Variants in TMEM54 observed in about 807,000 individuals in gnomAD.
The protein encoded by TMEM54 is transmembrane protein 54, also known as beta-casein-like protein.
TMEM54 carries 21 observed loss-of-function variants against 21.3 expected under a neutral mutation model. The observed-to-expected ratio is 0.99, with a 90% CI of 0.70 to 1.42. TMEM54 has a LOEUF of 1.42. Ranked by LOEUF, TMEM54 falls within the 40% of genes most tolerant of loss-of-function variation. The pLI is 0.00. For missense variants in TMEM54, 246 were observed against 294.0 expected (o/e 0.84, Z 1.19); for synonymous variants, 109 against 125.0 (o/e 0.87, Z 0.86).
intron 1 of TMEM54, among the ~76,000 whole-genome samples, chr1:32,899,218 C>G (rs546566531): frequency 6.6e-6 from 1 of 152,240 alleles, no homozygotes; most frequent in East Asian, 1.9e-4. Context: ...CCTGCCAGCC[C>G]CTCACTAGAG....
Position 32,895,967 on chromosome 1 carries a change from G to C in TMEM54, c.213C>G (p.Val71=). ...NILSVTSAIV[V]ITSGIAAIVL... is the part of the protein sequence containing the mutation. Reference sequence around the variant, plus strand: ...CGATGGCTGCGATGCCTGAAGTGATGACCTGTAGGGAAGGCTCAAGTCAGC... The same window carrying C: ...CGATGGCTGCGATGCCTGAAGTGATCACCTGTAGGGAAGGCTCAAGTCAGC... The change falls in exon 3 of 6, where the codon GTC becomes GTG. Residue 71 remains valine, a splice_region_variant and synonymous_variant. Transcript: ENST00000373463. The surrounding 1 kb of genome is among the most constrained non-coding windows in gnomAD (Gnocchi z 5.8). 1.2e-6 allele frequency: 2 copies of C among 1,612,950 alleles called. No homozygotes were observed. Among genetic ancestry groups the C allele is most frequent in the South Asian group, 2.2e-5 (2 of 90,834 alleles).
chr1:32,895,783 G>T lies in TMEM54; in HGVS notation c.271-40C>A, dbSNP rs1291688903. Reference sequence around the variant, plus strand: ...CCACTGGTCAATGGGCGTCGTGCTTGGCCCCCATGGGCAGCTCTGGCCTCC... The same window carrying T: ...CCACTGGTCAATGGGCGTCGTGCTTTGCCCCCATGGGCAGCTCTGGCCTCC... On this transcript the variant is annotated intron_variant, in intron 3 of 5. Coordinates refer to ENST00000373463, the MANE Select transcript of TMEM54 (RefSeq NM_033504.4). This position sits in a 1 kb window ranked among gnomAD's most constrained non-coding sequence, Gnocchi z 5.8. 8 of 1,546,774 alleles carry T rather than the reference G, an allele frequency of 5.2e-6. No individual in the cohort carries two copies. The highest frequency in any genetic ancestry group is 1.4e-5 in the African/African-American group (1 of 73,344).
In TMEM54 at chr1:32,894,609, T is replaced by C. The variant is rs1641537508; in HGVS notation, c.*196A>G. 2 of 692,542 alleles carry C rather than the reference T, an allele frequency of 2.9e-6. No homozygotes were observed. The highest frequency in any genetic ancestry group is 3.6e-5 in the African/African-American group (2 of 56,022). The allele number at this position is 692,542 out of a possible 1,614,324, so 42.9% of individuals were successfully genotyped here. A position where few individuals can be genotyped will look rare whatever the true frequency, so the allele number is the denominator to read the frequency against. On this transcript the variant is annotated 3_prime_UTR_variant, in exon 6 of 6. Coordinates refer to ENST00000373463, the MANE Select transcript of TMEM54 (RefSeq NM_033504.4). ...GCAGCCAAATGGAGCATCTCTGTTC[T>C]TTTTAATAATTTCAGAATAAAGTCT...
intron 1 of TMEM54, among the ~76,000 whole-genome samples, chr1:32,900,381 T>A (rs1376660801): frequency 6.6e-6 from 1 of 151,528 alleles, no homozygotes; most frequent in Admixed American, 6.6e-5. Context: ...CCGGGCTAAA[T>A]TTTTTTTTCT....
chr1:32,895,881 A>C lies in TMEM54; in HGVS notation c.270+29T>G. The C allele has an allele frequency of 6.2e-7, 1 of 1,605,568 alleles. No individual in the cohort carries two copies. Among genetic ancestry groups the C allele is most frequent in the Non-Finnish European group, 8.5e-7 (1 of 1,176,064 alleles). ...TGGCTGCTGCCCCTACCCTTCCCTC[A>C]CAGCCCCATCCCAGGAGGCACCACG... On this transcript the variant is annotated intron_variant, in intron 3 of 5. Transcript: ENST00000373463. The surrounding 1 kb of genome is among the most constrained non-coding windows in gnomAD (Gnocchi z 5.8).
Position 32,896,479 on chromosome 1 carries a change from A to G in TMEM54, c.211-510T>C, listed in dbSNP as rs1341164069. Among the ~76,000 whole-genome samples the G allele has an allele frequency of 6.6e-6, 1 of 152,190 alleles. No individual in the cohort carries two copies. The stretch of plus-strand genomic sequence containing the variant: ...TTGGCTTCTCAGCCCTACCTGGGCT[A>G]CCTTCCTCCCTCACTGCTCTGGATG... On this transcript the variant is annotated intron_variant, in intron 2 of 5. Transcript: ENST00000373463. The surrounding 1 kb of genome is among the most constrained non-coding windows in gnomAD (Gnocchi z 4.1).
At position 32,901,093 on chromosome 1, in the gene TMEM54, G is replaced by A. The variant is rs1641716494; in HGVS notation, c.16+130C>T. ...CCAGAGAGGAAAGTGACCCGACCCC[G>A]GCCTCGTAGTAAGTTAGAGGCAGAG... On this transcript the variant is annotated intron_variant, in intron 1 of 5. Coordinates refer to ENST00000373463, the MANE Select transcript of TMEM54 (RefSeq NM_033504.4). This position sits in a 1 kb window ranked among gnomAD's most constrained non-coding sequence, Gnocchi z 4.2. 4 of 1,002,922 alleles carry A rather than the reference G, an allele frequency of 4.0e-6. No individual in the cohort carries two copies. The highest frequency in any genetic ancestry group is 3.3e-5 in the East Asian group (1 of 30,554). The allele number at this position is 1,002,922 out of a possible 1,614,324, so 62.1% of individuals were successfully genotyped here.
In TMEM54 at chr1:32,896,709, C is replaced by T. The variant is rs999341633; in HGVS notation, c.211-740G>A. Among the ~76,000 whole-genome samples, 3 of 152,276 alleles carry T rather than the reference C, an allele frequency of 2.0e-5. No individual in the cohort carries two copies. The highest frequency in any genetic ancestry group is 7.2e-5 in the African/African-American group (3 of 41,478). ...TGGGGTCCACCCAGCCAGCCTTCCT[C>T]CTGATGTTCCTCACTGGACCAGGCT... On this transcript the variant is annotated intron_variant, in intron 2 of 5. Transcript: ENST00000373463. This position sits in a 1 kb window ranked among gnomAD's most constrained non-coding sequence, Gnocchi z 4.1.
intron 1 of TMEM54, among the ~76,000 whole-genome samples, chr1:32,898,983 C>A (rs1641663227): frequency 6.6e-6 from 1 of 152,094 alleles, no homozygotes; most frequent in East Asian, 1.9e-4. Context: ...GTGTGGTGTA[C>A]CCTGAGGGTA....
At position 32,898,286 on chromosome 1, in the gene TMEM54, A is replaced by G; in HGVS notation, c.50T>C (p.Leu17Pro). The change falls in exon 2 of 6, where the codon CTG becomes CCG. Residue 17 changes from leucine (L) to proline (P), a missense_variant. Physicochemically the swap from Leu to Pro is moderately conservative, Grantham distance 98. Coordinates refer to ENST00000373463, the MANE Select transcript of TMEM54 (RefSeq NM_033504.4). ...CACCAGCACCAGGCCTGTCTTCATC[A>G]GCACCTTCCGGAAGTCGCCCACACT... ...GLSVGDFRKV[L>P]MKTGLVLVVL... 1.2e-6 allele frequency: 2 copies of G among 1,608,794 alleles called. No individual in the cohort carries two copies. The highest frequency in any genetic ancestry group is 2.2e-5 in the East Asian group (1 of 44,662).
chr1:32,897,318 A>G lies in TMEM54; in HGVS notation c.210+808T>C, dbSNP rs2124047557. On this transcript the variant is annotated intron_variant, in intron 2 of 5. Coordinates refer to ENST00000373463, the MANE Select transcript of TMEM54 (RefSeq NM_033504.4). The surrounding 1 kb of genome is among the most constrained non-coding windows in gnomAD (Gnocchi z 4.9). ...GAGAGAAATAAGTCCCTCAGCCAGG[A>G]GAAGGCAGGGATGGAACTCAGACAC... Among the ~76,000 whole-genome samples, 1 of 152,296 alleles carries G rather than the reference A, an allele frequency of 6.6e-6. No homozygotes were observed. The highest frequency in any genetic ancestry group is 2.1e-4 in the South Asian group (1 of 4,824).
chr1:32,895,433 T>A lies in TMEM54; in HGVS notation c.466A>T (p.Ser156Cys). 1 of 1,611,216 alleles carries A rather than the reference T, an allele frequency of 6.2e-7. No individual in the cohort carries two copies. Among genetic ancestry groups the A allele is most frequent in the Non-Finnish European group, 8.5e-7 (1 of 1,177,886 alleles). Residue 156 changes from serine (S) to cysteine (C), a missense_variant, in exon 5 of 6, where the codon AGC becomes TGC. Physicochemically the swap from Ser to Cys is moderately radical, Grantham distance 112. Transcript: ENST00000373463. This position sits in a 1 kb window ranked among gnomAD's most constrained non-coding sequence, Gnocchi z 5.8. ...AGGGCGATGCCCCAGAGGCACAGGCTGGAGCTCTGCGGGGCATGGGGCAGA... is the reference window on the plus strand; with the variant it reads ...AGGGCGATGCCCCAGAGGCACAGGCAGGAGCTCTGCGGGGCATGGGGCAGA... Reference protein sequence around the residue: ...PFDPTRIYSSSLCLWGIALVL... With the variant: ...PFDPTRIYSSCLCLWGIALVL...
At chr1:32,898,502 C>T in intron 1 of TMEM54, 183 bp from the exon 2 acceptor site, 1 of 539,890 alleles carries the variant, frequency 1.9e-6, no homozygotes, top group African/African-American at 1.9e-5. Context: ...TTCGGGATGC[C>T]TTTGTGAGAA....
In TMEM54 at chr1:32,898,249, A is replaced by G. The variant is rs1056909010; in HGVS notation, c.87T>C (p.His29=). The G allele has an allele frequency of 1.7e-5, 28 of 1,613,532 alleles. No individual in the cohort carries two copies. Among genetic ancestry groups the G allele is most frequent in the Non-Finnish European group, 2.3e-5 (27 of 1,179,602 alleles). Residue 29 remains histidine, a synonymous_variant, in exon 2 of 6, where the codon CAT becomes CAC. Coordinates refer to ENST00000373463, the MANE Select transcript of TMEM54 (RefSeq NM_033504.4). ...KTGLVLVVLG[H]VSFITAALFH... Reference sequence around the variant, plus strand: ...ACAGGGCAGCTGTGATGAAGCTCACATGGCCCAGCACCACCAGCACCAGGC... The same window carrying G: ...ACAGGGCAGCTGTGATGAAGCTCACGTGGCCCAGCACCACCAGCACCAGGC...
Position 32,897,717 on chromosome 1 carries a change from C to T in TMEM54, c.210+409G>A, listed in dbSNP as rs1273863357. On this transcript the variant is annotated intron_variant, in intron 2 of 5. Transcript: ENST00000373463. This position sits in a 1 kb window ranked among gnomAD's most constrained non-coding sequence, Gnocchi z 4.9. ...TGTCTGTGAACTCCTGCTCATCCAT[C>T]AATACCCAGGTCAGAGGCCTGCACT... 6.3e-6 allele frequency: 1 copy of T among 158,428 alleles called. No homozygotes were observed. The highest frequency in any genetic ancestry group is 1.8e-4 in the East Asian group (1 of 5,460). 9.8% of individuals were successfully genotyped at this position (158,428 alleles called of 1,614,324 possible).
In TMEM54 at chr1:32,895,942, C is replaced by G. The variant is rs201108242; in HGVS notation, c.238G>C (p.Val80Leu). The change falls in exon 3 of 6, where the codon GTG (valine) becomes CTG (leucine). Residue 80 changes from valine to leucine, a missense_variant. Coordinates refer to ENST00000373463, the MANE Select transcript of TMEM54 (RefSeq NM_033504.4). This position sits in a 1 kb window ranked among gnomAD's most constrained non-coding sequence, Gnocchi z 5.8. Reference protein sequence around the residue: ...VVITSGIAAIVLSRYLPSTPL... With the variant: ...VVITSGIAAILLSRYLPSTPL... ...GTGCTAGGGAGGTAGCGTGACAACA[C>G]GATGGCTGCGATGCCTGAAGTGATG... is the stretch of plus-strand genomic sequence containing the variant. The G allele has an allele frequency of 6.2e-7, 1 of 1,613,262 alleles. No individual in the cohort carries two copies. The highest frequency in any genetic ancestry group is 8.5e-7 in the Non-Finnish European group (1 of 1,179,704).
Position 32,901,260 on chromosome 1 carries a change from C to A in TMEM54, c.-22G>T. ...ACATGTCGGCTCCGCGCTGGTCCCGCCCCCGGCTTCAGCGCGGCTCCCGAG... is the reference window on the plus strand; with the variant it reads ...ACATGTCGGCTCCGCGCTGGTCCCGACCCCGGCTTCAGCGCGGCTCCCGAG... On this transcript the variant is annotated 5_prime_UTR_variant, in exon 1 of 6. Transcript: ENST00000373463. The surrounding 1 kb of genome is among the most constrained non-coding windows in gnomAD (Gnocchi z 4.2). 7.1e-7 allele frequency: 1 copy of A among 1,406,584 alleles called. No individual in the cohort carries two copies. The highest frequency in any genetic ancestry group is 9.4e-7 in the Non-Finnish European group (1 of 1,067,442). 87.1% of individuals were successfully genotyped at this position (1,406,584 alleles called of 1,614,324 possible). A position where few individuals can be genotyped will look rare whatever the true frequency, so the allele number is the denominator to read the frequency against.
Position 32,895,572 on chromosome 1 carries a change from C to T in TMEM54, c.442G>A (p.Asp148Asn), listed in dbSNP as rs148310921. 339 of 1,591,438 alleles carry T rather than the reference C, an allele frequency of 2.1e-4. 1 individual carries two copies. In the East Asian group the frequency reaches 4.8e-3, roughly 23 times the overall value. The change falls in exon 4 of 6, where the codon GAC becomes AAC. Residue 148 changes from aspartate to asparagine, a missense_variant. Asp to Asn is a conservative substitution (Grantham distance 23, BLOSUM62 1). Coordinates refer to ENST00000373463, the MANE Select transcript of TMEM54 (RefSeq NM_033504.4). This position sits in a 1 kb window ranked among gnomAD's most constrained non-coding sequence, Gnocchi z 5.8. ...LLALAPDCPFDPTRIYSSSLC... is the reference protein window; with the variant it reads ...LLALAPDCPFNPTRIYSSSLC... ...GTACTCACATAAATGCGTGTGGGGT[C>T]GAAGGGACAGTCAGGTGCGAGGGCC...
chr1:32,895,832 CA>C lies in TMEM54; in HGVS notation c.270+77del. The C allele has an allele frequency of 6.4e-7, 1 of 1,566,962 alleles. No individual in the cohort carries two copies. Among genetic ancestry groups the C allele is most frequent in the South Asian group, 1.2e-5 (1 of 83,146 alleles). On this transcript the variant is annotated intron_variant, in intron 3 of 5. Coordinates refer to ENST00000373463, the MANE Select transcript of TMEM54 (RefSeq NM_033504.4). This position sits in a 1 kb window ranked among gnomAD's most constrained non-coding sequence, Gnocchi z 5.8. ...CCCTGAGGGTCAGCCTTACCCTCTC[CA>C]AGGAGGCCAGGCCCTTGGCGGGTGG...
Sources: gnomAD v4.1 joint callset for allele counts (sites outside exome capture counted in the v4.1 genomes callset) on GRCh38, gnomAD v4.1.1 for gene constraint, Gnocchi (gnomAD v3.1) non-coding constraint, MANE v1.5 for transcripts, NCBI Gene and HGNC (gene_info 2026-07-23, HGNC 2026-07-21) for gene names.